Variants in PLCL1 observed in about 807,000 individuals in gnomAD.
The protein encoded by PLCL1 is inactive phospholipase C-like protein 1.
A neutral mutation model predicts 84.4 loss-of-function variants in PLCL1; 41 were observed. The ratio of observed to expected loss-of-function variants is 0.49; its 90% CI spans 0.38 to 0.63. PLCL1 has a LOEUF of 0.63. PLCL1 is among the 30% of genes least tolerant of loss of function. The probability of loss-of-function intolerance (pLI) is 0.00; values close to 1 mark genes in which losing one functional copy is unlikely to be tolerated. For synonymous variants in PLCL1, 490 were observed against 488.3 expected, an observed-to-expected ratio of 1.00 and a Z score of -0.05; for missense variants, 1,206 against 1,367.8, an observed-to-expected ratio of 0.88 and a Z score of 1.87.
intron 1 of PLCL1, among the ~76,000 whole-genome samples, chr2:197,808,254 T>C (rs1690520491): frequency 6.6e-6 from 1 of 152,220 alleles, no homozygotes. Flanking sequence ...AATAATGCAA[T>C]AGAATCCATT....
rs3056105 is a variant in PLCL1 at position 197,903,468 on chromosome 2, A to ATTTTTTTTTTTTTTTTTTT, written c.240+98144_240+98162dup. ...GTATCTTCCTTTTTACTCCATTTAA[A>ATTTTTTTTTTTTTTTTTTT]TTTTTTTTTTTTTTTTTTTTTTTTT... is the stretch of plus-strand genomic sequence containing the variant. On this transcript the variant is annotated intron_variant, in intron 1 of 5. Coordinates refer to ENST00000428675, the MANE Select transcript of PLCL1 (RefSeq NM_006226.4). Among the ~76,000 whole-genome samples, 9 of 47,796 alleles carry ATTTTTTTTTTTTTTTTTTT rather than the reference A, an allele frequency of 1.9e-4. 1 individual carries two copies. The highest frequency in any genetic ancestry group is 2.8e-4 in the Non-Finnish European group (8 of 28,738). 31.4% of individuals were successfully genotyped at this position (47,796 alleles called of 152,430 possible). A position where few individuals can be genotyped will look rare whatever the true frequency, so the allele number is the denominator to read the frequency against.
chr2:198,084,235 C>T lies in PLCL1; in HGVS notation c.718C>T (p.Arg240Trp), dbSNP rs1559097881. Residue 240 changes from arginine to tryptophan, a missense_variant, in exon 2 of 6, where the codon CGG (arginine) becomes TGG (tryptophan). By Grantham distance (101) the Arg-to-Trp change is moderately radical (BLOSUM62 -3). Coordinates refer to ENST00000428675, the MANE Select transcript of PLCL1 (RefSeq NM_006226.4). ...DFMEGNQNTP[R>W]FMWLKTVFEA... ...TATGGAGGGCAACCAGAACACACCA[C>T]GGTTCATGTGGTTGAAAACAGTGTT... is the stretch of plus-strand genomic sequence containing the variant. 1.2e-6 allele frequency: 2 copies of T among 1,614,020 alleles called. No individual in the cohort carries two copies. The highest frequency in any genetic ancestry group is 1.7e-6 in the Non-Finnish European group (2 of 1,179,988).
At chr2:198,076,937 G>A (rs1335213071) in intron 1 of PLCL1, among the ~76,000 whole-genome samples, 1 of 152,204 alleles carries the variant, frequency 6.6e-6, no homozygotes, top group Non-Finnish European at 1.5e-5. Context: ...TGCCAAACAT[G>A]GATGTGATTT....
intron 5 of PLCL1, among the ~76,000 whole-genome samples, chr2:198,132,705 A>C (rs1694148572): frequency 6.6e-6 from 1 of 152,180 alleles, no homozygotes; most frequent in South Asian, 2.1e-4. Context: ...ATTTAAAAAT[A>C]AGAATGTAGA....
At chr2:197,975,147 CA>C (rs71015804) in intron 1 of PLCL1, among the ~76,000 whole-genome samples, 1,665 of 19,832 alleles carry the variant, frequency 0.084, 6 homozygotes, top group African/African-American at 0.13. Context: ...GACTCCATCT[CA>C]AAAAAAAAAA....
chr2:198,084,143 A>G lies in PLCL1; in HGVS notation c.626A>G (p.Asp209Gly). 1 of 1,614,146 alleles carries G rather than the reference A, an allele frequency of 6.2e-7. No individual in the cohort carries two copies. The highest frequency in any genetic ancestry group is 8.5e-7 in the Non-Finnish European group (1 of 1,180,012). The change falls in exon 2 of 6, where the codon GAT (aspartate) becomes GGT (glycine). Residue 209 changes from aspartate (D) to glycine (G), a missense_variant. Asp to Gly is a moderately conservative substitution (Grantham distance 94, BLOSUM62 -1). Transcript: ENST00000428675. ...ESLDLVANSADVANIWVSGLR... is the reference protein window; with the variant it reads ...ESLDLVANSAGVANIWVSGLR... Reference sequence around the variant, plus strand: ...CTGGACCTAGTTGCCAATTCAGCAGATGTGGCAAACATCTGGGTGTCTGGG... The same window carrying G: ...CTGGACCTAGTTGCCAATTCAGCAGGTGTGGCAAACATCTGGGTGTCTGGG...
intron 1 of PLCL1, among the ~76,000 whole-genome samples, chr2:198,067,632 G>A (rs554162701): frequency 4.8e-4 from 73 of 152,224 alleles, no homozygotes; most frequent in Non-Finnish European, 7.6e-4. Context: ...TGTAGAGGTA[G>A]TATAAACTTA....
chr2:197,932,029 G>A (rs1189480826), intron 1 of PLCL1, among the ~76,000 whole-genome samples: 1 of 152,148 alleles, frequency 6.6e-6, no homozygotes, highest in Non-Finnish European at 1.5e-5. Context: ...TGGGTAATGA[G>A]CAAGACATGA....
intron 1 of PLCL1, among the ~76,000 whole-genome samples, chr2:197,918,605 C>T (rs1688640050): frequency 6.6e-6 from 1 of 151,938 alleles, no homozygotes; most frequent in Non-Finnish European, 1.5e-5. Context: ...AAATAATGGT[C>T]CATTTAAAAG....
At chr2:197,925,378 A>G (rs1433601109) in intron 1 of PLCL1, among the ~76,000 whole-genome samples, 3 of 152,204 alleles carry the variant, frequency 2.0e-5, no homozygotes, top group Non-Finnish European at 4.4e-5. Context: ...TTGCTTAATC[A>G]TCAACATTCA....
intron 1 of PLCL1, among the ~76,000 whole-genome samples, chr2:197,826,922 T>G (rs1690941801): frequency 6.6e-6 from 1 of 152,170 alleles, no homozygotes; most frequent in Admixed American, 6.6e-5. Flanking sequence ...TATCCTCAGT[T>G]GCCCTTGCTA....
rs749598424 is a variant in PLCL1, at chr2:198,086,284, TATA to T, written c.2715+55_2715+57del. The T allele has an allele frequency of 4.9e-6, 6 of 1,225,624 alleles. No homozygotes were observed. In the South Asian group the frequency reaches 5.7e-5, roughly 12 times the overall value. 75.9% of individuals were successfully genotyped at this position (1,225,624 alleles called of 1,614,324 possible). A position where few individuals can be genotyped will look rare whatever the true frequency, so the allele number is the denominator to read the frequency against. ...CCCTATCCCTGCTTATTCCTACCCGTATAATGTTTTATTAATAATCTGATTTGC... is the reference window on the plus strand; with the variant it reads ...CCCTATCCCTGCTTATTCCTACCCGTATGTTTTATTAATAATCTGATTTGC... On this transcript the variant is annotated intron_variant, in intron 2 of 5. Transcript: ENST00000428675.
At chr2:197,884,240 C>T (rs1687879520) in intron 1 of PLCL1, among the ~76,000 whole-genome samples, 1 of 152,220 alleles carries the variant, frequency 6.6e-6, no homozygotes, top group Non-Finnish European at 1.5e-5. Context: ...ACTCTTCAAT[C>T]TGCCATTCTC....
Position 198,148,281 on chromosome 2 carries a change from GA to G in PLCL1, c.*1320del, listed in dbSNP as rs908596961. 3 of 152,270 alleles carry G rather than the reference GA, an allele frequency of 2.0e-5. No individual in the cohort carries two copies. The highest frequency in any genetic ancestry group is 7.2e-5 in the African/African-American group (3 of 41,442). 9.4% of individuals were successfully genotyped at this position (152,270 alleles called of 1,614,324 possible). On this transcript the variant is annotated 3_prime_UTR_variant, in exon 6 of 6. Coordinates refer to ENST00000428675, the MANE Select transcript of PLCL1 (RefSeq NM_006226.4). ...AAATATGCTAATTTGGGGAAACCTA[GA>G]GAAGATAATTGTTGAAATTTTGCAA...
At chr2:198,114,469 G>A (rs897275691) in intron 5 of PLCL1, among the ~76,000 whole-genome samples, 1 of 151,832 alleles carries the variant, frequency 6.6e-6, no homozygotes, top group African/African-American at 2.4e-5. Context: ...AACTTGTGAA[G>A]TTATTGAAGG....
intron 5 of PLCL1, among the ~76,000 whole-genome samples, chr2:198,132,250 G>T (rs932611509): frequency 6.6e-6 from 1 of 152,144 alleles, no homozygotes; most frequent in Non-Finnish European, 1.5e-5. Context: ...CCACACTTGG[G>T]CTGTGGTGAA....
intron 1 of PLCL1, among the ~76,000 whole-genome samples, chr2:197,883,379 G>A (rs1369543536): frequency 6.6e-6 from 1 of 152,146 alleles, no homozygotes; most frequent in African/African-American, 2.4e-5. Flanking sequence ...GACACACGAA[G>A]TTTTTACTGT....
At chr2:197,865,789 G>T (rs1175010451) in intron 1 of PLCL1, among the ~76,000 whole-genome samples, 1 of 151,454 alleles carries the variant, frequency 6.6e-6, no homozygotes, top group Non-Finnish European at 1.5e-5. Flanking sequence ...AAGGTAGGTA[G>T]ATCACTTGAG....
At chr2:197,915,292 A>G (rs937155976) in intron 1 of PLCL1, among the ~76,000 whole-genome samples, 19 of 152,320 alleles carry the variant, frequency 1.2e-4, no homozygotes, top group African/African-American at 4.3e-4. Context: ...GGTGTCAACA[A>G]TACCACATAA....
Sources: gnomAD v4.1 joint callset for allele counts (sites outside exome capture counted in the v4.1 genomes callset) on GRCh38, gnomAD v4.1.1 for gene constraint, MANE v1.5 for transcripts, NCBI Gene and HGNC (gene_info 2026-07-23, HGNC 2026-07-21) for gene names.